HTR2C: variants seen among roughly 807,000 people sequenced by gnomAD.
HTR2C encodes 5-hydroxytryptamine receptor 2C.
HTR2C carries 5 observed loss-of-function variants against 21.0 expected under a neutral mutation model. The ratio of observed to expected loss-of-function variants is 0.24; its 90% CI spans 0.12 to 0.50. HTR2C has a LOEUF of 0.50. Among genes scored for constraint, HTR2C ranks in the 20% least tolerant of loss-of-function variants. The probability of loss-of-function intolerance (pLI) is 0.98; values close to 1 mark genes in which losing one functional copy is unlikely to be tolerated. For synonymous variants in HTR2C, 150 were observed against 145.3 expected (o/e 1.03, Z -0.23); for missense variants, 271 against 371.2 (o/e 0.73, Z 2.22).
intron 1 of HTR2C, among the ~76,000 whole-genome samples, chrX:114,611,736 C>T (rs1166387472): frequency 5.4e-5 from 6 of 111,570 alleles, no homozygotes; most frequent in African/African-American, 2.0e-4. Context: ...CTCGCTCTGT[C>T]GCCCAGGCTG....
chrX:114,652,308 T>A (rs888540982), intron 2 of HTR2C, among the ~76,000 whole-genome samples: 4 of 111,005 alleles, frequency 3.6e-5, no homozygotes, highest in Non-Finnish European at 7.6e-5. Flanking sequence ...AATTAGAAAA[T>A]TTATTTTTAT....
chrX:114,684,492 G>C (rs1480258468), intron 2 of HTR2C, among the ~76,000 whole-genome samples: 3 of 111,833 alleles, frequency 2.7e-5, no homozygotes, highest in African/African-American at 9.7e-5. Flanking sequence ...AGCCAGGTAT[G>C]TAATAATAAA....
intron 4 of HTR2C, among the ~76,000 whole-genome samples, chrX:114,790,372 A>G (rs1309811263): frequency 2.7e-5 from 3 of 111,937 alleles, no homozygotes; most frequent in Non-Finnish European, 3.8e-5. Context: ...TGAGTTTTAA[A>G]TGCAATTTCT....
rs190277729 is a variant in HTR2C, at chrX:114,843,372, A to C, written c.350-4631A>C. Among the ~76,000 whole-genome samples the C allele has an allele frequency of 4.5e-5, 5 of 112,139 alleles. No individual in the cohort carries two copies. The East Asian group carries it at 1.4e-3, about 31-fold the overall frequency. ...CATGAGGGAATCAATAACAGACTTT[A>C]GCAGACAGAAGAAAGAATCAGAGAA... On this transcript the variant is annotated intron_variant, in intron 4 of 5. Transcript: ENST00000276198.
Position 114,909,270 on chromosome X carries a change from AT to A in HTR2C, c.*1858del, listed in dbSNP as rs1348731618. ...TAATTATATGAAGCAGAATGAGATG[AT>A]TTAATTCTTACCGAAATGAAAATGG... On this transcript the variant is annotated 3_prime_UTR_variant, in exon 6 of 6. Coordinates refer to ENST00000276198, the MANE Select transcript of HTR2C (RefSeq NM_000868.4). 5.3e-5 allele frequency: 6 copies of A among 112,728 alleles called. No individual in the cohort carries two copies. Among genetic ancestry groups the A allele is most frequent in the African/African-American group, 1.9e-4 (6 of 30,990 alleles). 9.3% of individuals were successfully genotyped at this position (112,728 alleles called of 1,213,427 possible).
At chrX:114,784,971 C>A (rs1165284465) in intron 4 of HTR2C, among the ~76,000 whole-genome samples, 4 of 111,126 alleles carry the variant, frequency 3.6e-5, no homozygotes, top group African/African-American at 1.3e-4. Context: ...CCAACATAAT[C>A]CAATATGACT....
At position 114,846,213 on chromosome X, in the gene HTR2C, C is replaced by G. The variant is rs1276842724; in HGVS notation, c.350-1790C>G. ...ACCTCTCAACAATGAAAGCTCAAGACAAGAAGTTTTCCTTTTGAATTTCAC... is the reference window on the plus strand; with the variant it reads ...ACCTCTCAACAATGAAAGCTCAAGAGAAGAAGTTTTCCTTTTGAATTTCAC... On this transcript the variant is annotated intron_variant, in intron 4 of 5. Transcript: ENST00000276198. Among the ~76,000 whole-genome samples the G allele has an allele frequency of 2.7e-5, 3 of 111,348 alleles. No homozygotes were observed. The Admixed American group carries it at 2.9e-4, about 11-fold the overall frequency.
chrX:114,746,347 A>G (rs1465777843), intron 4 of HTR2C, among the ~76,000 whole-genome samples: 3 of 111,746 alleles, frequency 2.7e-5, no homozygotes, highest in Non-Finnish European at 5.6e-5. Context: ...TCATTAATAT[A>G]GATGCAAAAA....
At chrX:114,712,429 T>C (rs1932905463) in intron 2 of HTR2C, among the ~76,000 whole-genome samples, 1 of 111,962 alleles carries the variant, frequency 8.9e-6, no homozygotes, top group East Asian at 2.8e-4. Context: ...GTCCCTGATC[T>C]TGAAAAATTA....
intron 4 of HTR2C, among the ~76,000 whole-genome samples, chrX:114,838,870 A>T (rs1159090210): frequency 2.7e-5 from 3 of 112,264 alleles, no homozygotes; most frequent in African/African-American, 9.7e-5. Context: ...AATGGAGCTT[A>T]TGTTCTAATG....
chrX:114,664,938 A>G (rs1931121694), intron 2 of HTR2C, among the ~76,000 whole-genome samples: 1 of 112,290 alleles, frequency 8.9e-6, no homozygotes, highest in Non-Finnish European at 1.9e-5. Flanking sequence ...ATGTTCATGT[A>G]AATTTTTGGT....
intron 4 of HTR2C, among the ~76,000 whole-genome samples, chrX:114,786,792 C>T (rs2070178749): frequency 9.0e-6 from 1 of 111,575 alleles, no homozygotes; most frequent in Non-Finnish European, 1.9e-5. Context: ...TCCAGTGTAA[C>T]AGCCTACTTC....
chrX:114,866,174 A>C (rs902166584), intron 5 of HTR2C, among the ~76,000 whole-genome samples: 1 of 111,454 alleles, frequency 9.0e-6, no homozygotes, highest in African/African-American at 3.3e-5. Flanking sequence ...ATTTCTTAAT[A>C]GTCTCTATGG....
chrX:114,877,054 A>G (rs1431041397), intron 5 of HTR2C, among the ~76,000 whole-genome samples: 1 of 111,377 alleles, frequency 9.0e-6, no homozygotes, highest in Admixed American at 9.6e-5. Context: ...GGCAGAACTC[A>G]CCAGTAACAC....
intron 2 of HTR2C, among the ~76,000 whole-genome samples, chrX:114,691,516 T>G (rs1053118634): frequency 8.9e-6 from 1 of 111,963 alleles, no homozygotes; most frequent in Non-Finnish European, 1.9e-5. Context: ...AACAATTATT[T>G]GAATTTTCTT....
chrX:114,626,388 C>CAG (rs1929377760), intron 2 of HTR2C, among the ~76,000 whole-genome samples: 2 of 78,466 alleles, frequency 2.5e-5, no homozygotes, highest in Non-Finnish European at 5.0e-5. Context: ...GACCCTGTCA[C>CAG]AAAAAAAAAA....
chrX:114,836,448 G>A (rs2070784975), intron 4 of HTR2C, among the ~76,000 whole-genome samples: 1 of 112,481 alleles, frequency 8.9e-6, no homozygotes, highest in Non-Finnish European at 1.9e-5. Context: ...CGCAGTATTC[G>A]GGTGAGAGTG....
intron 2 of HTR2C, among the ~76,000 whole-genome samples, chrX:114,725,751 C>G (rs1189741607): frequency 9.0e-6 from 1 of 110,694 alleles, no homozygotes; most frequent in Non-Finnish European, 1.9e-5. Context: ...CCCTCAGCTG[C>G]AGGTCTTTTG....
rs782328035 is a variant in HTR2C, at chrX:114,671,387, G to A, written c.-79-55471G>A. ...CCCAGATGCCTGATCTCCAGATTAC[G>A]TGAAAATTATTATTAATCTCAATGA... is the stretch of plus-strand genomic sequence containing the variant. On this transcript the variant is annotated intron_variant, in intron 2 of 5. Coordinates refer to ENST00000276198, the MANE Select transcript of HTR2C (RefSeq NM_000868.4). 4.5e-5 allele frequency among the ~76,000 whole-genome samples: 5 copies of A among 111,966 alleles called. No homozygotes were observed. The South Asian group carries it at 1.5e-3, about 33-fold the overall frequency.
Sources: allele counts gnomAD v4.1 joint callset (sites outside exome capture counted in the v4.1 genomes callset), GRCh38; gene constraint gnomAD v4.1.1; transcripts MANE v1.5; gene names NCBI Gene and HGNC (gene_info 2026-07-23, HGNC 2026-07-21).